The following SHANK2 variants were observed in gnomAD, a reference collection of about 807,000 sequenced individuals.
SHANK2 encodes the protein SH3 and multiple ankyrin repeat domains protein 2.
SHANK2 carries 43 observed loss-of-function variants against 133.7 expected under a neutral mutation model. That is an observed-to-expected ratio of 0.32 (90% confidence interval 0.25 to 0.41). SHANK2 has a LOEUF of 0.41. Among genes scored for constraint, SHANK2 ranks in the 10% least tolerant of loss-of-function variants. The pLI, the probability that SHANK2 is intolerant of heterozygous loss-of-function variation, is 1.00. For missense variants in SHANK2, 1,994 were observed against 2,235.8 expected (o/e 0.89, Z 2.18); for synonymous variants, 1,017 against 952.8 (o/e 1.07, Z -1.24).
chr11:70,910,373 T>A (rs1555078732), intron 10 of SHANK2, among the ~76,000 whole-genome samples: 2 of 152,080 alleles, frequency 1.3e-5, no homozygotes, highest in African/African-American at 4.8e-5. Flanking sequence ...TCCCCTCACG[T>A]GGTCTGTTTT....
chr11:71,110,565 C>T (rs1241723208), intron 5 of SHANK2, among the ~76,000 whole-genome samples: 1 of 152,208 alleles, frequency 6.6e-6, no homozygotes, highest in Non-Finnish European at 1.5e-5. Context: ...CTCTGCACTC[C>T]AGCCTGGGCA....
At chr11:70,624,617 C>G (rs2060879845) in intron 17 of SHANK2, among the ~76,000 whole-genome samples, 1 of 152,144 alleles carries the variant, frequency 6.6e-6, no homozygotes, top group African/African-American at 2.4e-5. Flanking sequence ...CCCCCCAAAC[C>G]CCAGGGAACC....
intron 15 of SHANK2, among the ~76,000 whole-genome samples, chr11:70,675,695 C>T (rs1944893135): frequency 6.6e-6 from 1 of 152,190 alleles, no homozygotes; most frequent in African/African-American, 2.4e-5. Flanking sequence ...GCTGGGAGGG[C>T]ACCCTGGGAT....
intron 9 of SHANK2, among the ~76,000 whole-genome samples, chr11:71,072,901 G>A (rs1238375766): frequency 6.6e-6 from 1 of 152,052 alleles, no homozygotes; most frequent in African/African-American, 2.4e-5. Flanking sequence ...GAGGAGAGGG[G>A]AGAGTTACAT....
At chr11:70,599,605 C>A (rs1591631698) in intron 17 of SHANK2, among the ~76,000 whole-genome samples, 1 of 30,316 alleles carries the variant, frequency 3.3e-5, no homozygotes, top group Admixed American at 5.0e-4. Context: ...GACTCCGTCT[C>A]AAAAAAAAAA....
intron 17 of SHANK2, among the ~76,000 whole-genome samples, chr11:70,571,129 TC>T (rs1384452082): frequency 6.6e-6 from 1 of 152,034 alleles, no homozygotes; most frequent in African/African-American, 2.4e-5. Flanking sequence ...GTCCAGCCTC[TC>T]CCCCACTCCC....
intron 11 of SHANK2, among the ~76,000 whole-genome samples, chr11:70,827,693 AC>A (rs1948666023): frequency 3.8e-4 from 1 of 2,612 alleles, no homozygotes; most frequent in Admixed American, 6.0e-3. Context: ...AATTTAAAAC[AC>A]ACACACACAC....
chr11:71,070,433 G>A (rs1951127965), intron 9 of SHANK2, among the ~76,000 whole-genome samples: 1 of 152,222 alleles, frequency 6.6e-6, no homozygotes, highest in Non-Finnish European at 1.5e-5. Flanking sequence ...AACCAGGGGA[G>A]CCAGCTAATG....
At chr11:70,724,674 C>T (rs1311965906) in intron 14 of SHANK2, among the ~76,000 whole-genome samples, 3 of 152,230 alleles carry the variant, frequency 2.0e-5, no homozygotes, top group South Asian at 2.1e-4. Flanking sequence ...AGGTGACTGC[C>T]GCCAACCACG....
In SHANK2 at chr11:70,471,746, A is replaced by G; in HGVS notation, c.*1123T>C. On this transcript the variant is annotated 3_prime_UTR_variant, in exon 26 of 26. Coordinates refer to ENST00000601538, the MANE Select transcript of SHANK2 (RefSeq NM_012309.5). The surrounding 1 kb of genome is among the most constrained non-coding windows in gnomAD (Gnocchi z 4.1). ...ATCTTCCCTGGCCTCCGAGAGCAAA[A>G]GGACTGTCTCAGCAGAGATGCTCAC... 1 of 209,986 alleles carries G rather than the reference A, an allele frequency of 4.8e-6. No homozygotes were observed. The highest frequency in any genetic ancestry group is 9.4e-6 in the Non-Finnish European group (1 of 106,508). The allele number at this position is 209,986 out of a possible 1,614,324, so 13.0% of individuals were successfully genotyped here. A position where few individuals can be genotyped will look rare whatever the true frequency, so the allele number is the denominator to read the frequency against.
chr11:70,866,892 C>T (rs918435283), intron 11 of SHANK2, among the ~76,000 whole-genome samples: 2 of 152,124 alleles, frequency 1.3e-5, no homozygotes, highest in East Asian at 2.0e-4. Flanking sequence ...CCTCGCTGGT[C>T]TTGAGAGCAT....
chr11:70,541,877 T>A (rs1481774315), intron 17 of SHANK2, among the ~76,000 whole-genome samples: 1 of 152,204 alleles, frequency 6.6e-6, no homozygotes, highest in Non-Finnish European at 1.5e-5. Flanking sequence ...AGGGCAGCCA[T>A]CTTGGAAGGC....
chr11:71,243,334 A>T (rs1306231393), intron 1 of SHANK2, among the ~76,000 whole-genome samples: 2 of 152,242 alleles, frequency 1.3e-5, no homozygotes, highest in African/African-American at 4.8e-5. Context: ...GATCAAGAAA[A>T]GAAGGGAAGA....
Position 70,928,233 on chromosome 11 carries a change from C to T in SHANK2, c.1108-31666G>A, listed in dbSNP as rs1289627497. ...CTGTTCCCGTCGATGGAGACCCCAG[C>T]CATGGAGCTGCCCCCTCCACCATGC... On this transcript the variant is annotated intron_variant, in intron 10 of 25. Coordinates refer to ENST00000601538, the MANE Select transcript of SHANK2 (RefSeq NM_012309.5). 2.0e-5 allele frequency among the ~76,000 whole-genome samples: 3 copies of T among 152,092 alleles called. No individual in the cohort carries two copies. The South Asian group carries it at 6.2e-4, about 32-fold the overall frequency.
chr11:70,657,441 C>T (rs1441122877), intron 17 of SHANK2, among the ~76,000 whole-genome samples: 6 of 152,172 alleles, frequency 3.9e-5, no homozygotes, highest in Admixed American at 2.6e-4. Flanking sequence ...TGGCAAAATC[C>T]AGTCGCTAGG....
chr11:70,484,337 T>C lies in SHANK2; in HGVS notation c.4979+977A>G, dbSNP rs374020819. Among the ~76,000 whole-genome samples, 49 of 152,254 alleles carry C rather than the reference T, an allele frequency of 3.2e-4. No individual in the cohort carries two copies. The South Asian group carries it at 5.0e-3, about 15-fold the overall frequency. Reference sequence around the variant, plus strand: ...TCTCATGAACGGTTTAGCACCATCTTCCCTGGCTACTGTACATAGTGAGCT... The same window carrying C: ...TCTCATGAACGGTTTAGCACCATCTCCCCTGGCTACTGTACATAGTGAGCT... On this transcript the variant is annotated intron_variant, in intron 25 of 25. Coordinates refer to ENST00000601538, the MANE Select transcript of SHANK2 (RefSeq NM_012309.5).
intron 15 of SHANK2, among the ~76,000 whole-genome samples, chr11:70,667,527 G>A (rs1178088679): frequency 6.6e-6 from 1 of 152,172 alleles, no homozygotes; most frequent in Non-Finnish European, 1.5e-5. Context: ...CACACCCTGT[G>A]GCTTTTAGCA....
At chr11:70,529,189 T>A (rs2059437276) in intron 17 of SHANK2, among the ~76,000 whole-genome samples, 1 of 152,138 alleles carries the variant, frequency 6.6e-6, no homozygotes, top group Non-Finnish European at 1.5e-5. Context: ...ACCCATGTCA[T>A]GCTAGGAAAC....
intron 10 of SHANK2, among the ~76,000 whole-genome samples, chr11:70,936,140 A>C (rs1212763713): frequency 6.6e-6 from 1 of 152,222 alleles, no homozygotes; most frequent in Admixed American, 6.5e-5. Context: ...TTATTCTCAA[A>C]ATGTTCAGAA....
Sources: allele counts gnomAD v4.1 joint callset (sites outside exome capture counted in the v4.1 genomes callset), GRCh38; gene constraint gnomAD v4.1.1; non-coding constraint Gnocchi (gnomAD v3.1); transcripts MANE v1.5; gene names NCBI Gene and HGNC (gene_info 2026-07-23, HGNC 2026-07-21).